The following ROBO1 variants were observed in gnomAD, a reference collection of about 807,000 sequenced individuals.
ROBO1 encodes roundabout homolog 1.
Under a neutral mutation model 195.9 loss-of-function variants are expected in ROBO1, and 149 were observed. The observed-to-expected ratio is 0.76, with a 90% CI of 0.67 to 0.87. The LOEUF is 0.87. Among genes scored for constraint, ROBO1 ranks in the 40% least tolerant of loss-of-function variants. The probability of loss-of-function intolerance (pLI) is 0.00; values close to 1 mark genes in which losing one functional copy is unlikely to be tolerated. For synonymous variants in ROBO1, 816 were observed against 733.2 expected (o/e 1.11, Z -1.82); for missense variants, 1,933 against 2,068.3 (o/e 0.93, Z 1.27).
chr3:78,692,249 A>T (rs2081191653), intron 8 of ROBO1, among the ~76,000 whole-genome samples: 1 of 152,094 alleles, frequency 6.6e-6, no homozygotes, highest in African/African-American at 2.4e-5. Context: ...CACTTTTATA[A>T]TATTATTGTA....
chr3:79,183,405 T>C (rs1327577462), intron 2 of ROBO1, among the ~76,000 whole-genome samples: 1 of 152,146 alleles, frequency 6.6e-6, no homozygotes, highest in African/African-American at 2.4e-5. Flanking sequence ...ATCAAGACTG[T>C]CAGAAGTGAC....
intron 2 of ROBO1, among the ~76,000 whole-genome samples, chr3:79,523,160 A>G (rs1941278999): frequency 8.8e-6 from 1 of 113,598 alleles, no homozygotes; most frequent in Non-Finnish European, 1.7e-5. Context: ...GGCTTCATAA[A>G]CCACACACAC....
At chr3:79,274,514 C>A (rs1464903860) in intron 2 of ROBO1, among the ~76,000 whole-genome samples, 2 of 151,676 alleles carry the variant, frequency 1.3e-5, no homozygotes, top group Non-Finnish European at 2.9e-5. Flanking sequence ...ACTTAGAGGA[C>A]AGTTTATAGC....
intron 3 of ROBO1, among the ~76,000 whole-genome samples, chr3:79,000,585 C>A (rs539974999): frequency 2.0e-5 from 3 of 152,146 alleles, no homozygotes; most frequent in African/African-American, 7.2e-5. Flanking sequence ...TACCATCTCA[C>A]ACCAGTTAGA....
At chr3:78,678,760 A>G (rs1200070920) in intron 10 of ROBO1, among the ~76,000 whole-genome samples, 1 of 152,168 alleles carries the variant, frequency 6.6e-6, no homozygotes, top group African/African-American at 2.4e-5. Flanking sequence ...GGACGAACTG[A>G]TACCATTCCT....
At chr3:78,856,293 G>GAAA (rs1237662391) in intron 4 of ROBO1, among the ~76,000 whole-genome samples, 2 of 76,598 alleles carry the variant, frequency 2.6e-5, no homozygotes, top group African/African-American at 3.6e-5. Flanking sequence ...GCAAAAAAAA[G>GAAA]AAAAAAAAAA....
intron 1 of ROBO1, among the ~76,000 whole-genome samples, chr3:79,699,156 G>A (rs1012720044): frequency 8.6e-5 from 13 of 150,966 alleles, no homozygotes; most frequent in Admixed American, 5.3e-4. Flanking sequence ...AAAACAGTAC[G>A]TTTGAGTGAA....
rs540013589 is a variant in ROBO1 at position 79,166,567 on chromosome 3, T to TTTTTTTTA, written c.89-41029_89-41028insTAAAAAAA. ...GGCAAGTTTTCTATTTTTCTTTTTT[T>TTTTTTTTA]TTTTTTTTTTATTTTTGAGATGGAG... On this transcript the variant is annotated intron_variant, in intron 2 of 30. Coordinates refer to ENST00000464233, the MANE Select transcript of ROBO1 (RefSeq NM_002941.4). 8.0e-3 allele frequency among the ~76,000 whole-genome samples: 1,200 copies of TTTTTTTTA among 149,864 alleles called. 24 individuals carry two copies. The highest frequency in any genetic ancestry group is 0.029 in the African/African-American group (1,157 of 40,080).
intron 3 of ROBO1, among the ~76,000 whole-genome samples, chr3:78,978,332 G>A (rs542290427): frequency 6.6e-6 from 1 of 152,092 alleles, no homozygotes; most frequent in African/African-American, 2.4e-5. Flanking sequence ...GTCCTCCTTG[G>A]ACCAAGTTTC....
intron 2 of ROBO1, among the ~76,000 whole-genome samples, chr3:79,408,018 T>G (rs2037616977): frequency 6.6e-6 from 1 of 152,034 alleles, no homozygotes; most frequent in Non-Finnish European, 1.5e-5. Flanking sequence ...TCCAGTTTTT[T>G]AATTCGATTA....
At chr3:78,705,309 TAAC>T (rs1309377142) in intron 8 of ROBO1, among the ~76,000 whole-genome samples, 1 of 152,188 alleles carries the variant, frequency 6.6e-6, no homozygotes, top group South Asian at 2.1e-4. Context: ...ATAGAAACAG[TAAC>T]AACAACTGTA....
intron 2 of ROBO1, among the ~76,000 whole-genome samples, chr3:79,579,309 A>G (rs1943587566): frequency 6.6e-6 from 1 of 152,210 alleles, no homozygotes. Context: ...TTTCAGCCTT[A>G]GATTTGACAT....
chr3:78,861,594 T>C (rs1309911953), intron 4 of ROBO1, among the ~76,000 whole-genome samples: 1 of 152,200 alleles, frequency 6.6e-6, no homozygotes, highest in Non-Finnish European at 1.5e-5. Context: ...CTGAACACAG[T>C]GTATGTCTTT....
chr3:78,716,186 A>G (rs989784009), intron 7 of ROBO1, among the ~76,000 whole-genome samples: 3 of 152,158 alleles, frequency 2.0e-5, no homozygotes, highest in Non-Finnish European at 4.4e-5. Context: ...CCCCCCTCTG[A>G]GCTGGCACAG....
At chr3:79,739,334 TG>T (rs1237982441) in intron 1 of ROBO1, among the ~76,000 whole-genome samples, 1 of 152,148 alleles carries the variant, frequency 6.6e-6, no homozygotes, top group African/African-American at 2.4e-5. Context: ...GTTTAAAGAT[TG>T]ATCATAGAGA....
chr3:78,903,625 T>C (rs1018822381), intron 4 of ROBO1, among the ~76,000 whole-genome samples: 4 of 151,720 alleles, frequency 2.6e-5, no homozygotes, highest in Non-Finnish European at 4.4e-5. Context: ...TAATGAAACA[T>C]AGAAATTAAT....
intron 3 of ROBO1, among the ~76,000 whole-genome samples, chr3:79,004,929 G>C (rs911849087): frequency 1.3e-5 from 2 of 152,154 alleles, no homozygotes; most frequent in African/African-American, 4.8e-5. Context: ...TACGGTCCCA[G>C]GGACCATAAA....
intron 4 of ROBO1, among the ~76,000 whole-genome samples, chr3:78,870,391 T>C (rs549492339): frequency 6.6e-6 from 1 of 152,216 alleles, no homozygotes; most frequent in Non-Finnish European, 1.5e-5. Flanking sequence ...GCAAGTGTGT[T>C]TTCCATGTTT....
At chr3:79,651,381 A>G (rs1421837032) in intron 1 of ROBO1, among the ~76,000 whole-genome samples, 2 of 152,166 alleles carry the variant, frequency 1.3e-5, no homozygotes, top group Non-Finnish European at 2.9e-5. Flanking sequence ...TTTTAGGCTT[A>G]TGGTACTTCC....
Sources: gnomAD v4.1 joint callset for allele counts (sites outside exome capture counted in the v4.1 genomes callset) on GRCh38, gnomAD v4.1.1 for gene constraint, MANE v1.5 for transcripts, NCBI Gene and HGNC (gene_info 2026-07-23, HGNC 2026-07-21) for gene names.